Variants in DYRK1A observed in about 807,000 individuals in gnomAD.
DYRK1A encodes the protein dual specificity tyrosine-phosphorylation-regulated kinase 1A.
A neutral mutation model predicts 79.7 loss-of-function variants in DYRK1A; 9 were observed. That is an observed-to-expected ratio of 0.11 (90% CI 0.07 to 0.20). DYRK1A has a LOEUF of 0.20. Ranked by LOEUF, DYRK1A falls within the 10% of genes least tolerant of loss-of-function variation. The pLI, the probability that DYRK1A is intolerant of heterozygous loss-of-function variation, is 1.00. For missense variants in DYRK1A, 622 were observed against 956.0 expected (o/e 0.65, Z 4.61); for synonymous variants, 349 against 329.7 (o/e 1.06, Z -0.63).
intron 1 of DYRK1A, among the ~76,000 whole-genome samples, chr21:37,384,109 G>A (rs1203241908): frequency 6.6e-6 from 1 of 152,118 alleles, no homozygotes; most frequent in Admixed American, 6.5e-5. Context: ...CTCAGTGCAG[G>A]AAGGGGATCC....
intron 4 of DYRK1A, among the ~76,000 whole-genome samples, chr21:37,478,631 CTA>C (rs1220627277): frequency 3.3e-5 from 5 of 151,844 alleles, no homozygotes; most frequent in African/African-American, 1.2e-4. Flanking sequence ...AATAAGGACT[CTA>C]AAAGTATATA....
At chr21:37,414,356 G>A (rs558764948) in intron 1 of DYRK1A, among the ~76,000 whole-genome samples, 50 of 152,106 alleles carry the variant, frequency 3.3e-4, no homozygotes, top group Non-Finnish European at 5.6e-4. Flanking sequence ...ACCATTAGTC[G>A]TGTGTGATTT....
At chr21:37,378,457 G>C (rs1028338520) in intron 1 of DYRK1A, among the ~76,000 whole-genome samples, 1 of 152,202 alleles carries the variant, frequency 6.6e-6, no homozygotes, top group Non-Finnish European at 1.5e-5. Context: ...GCTTGAACCT[G>C]GGAGGCGGAC....
chr21:37,439,256 A>T (rs2051017481), intron 2 of DYRK1A, among the ~76,000 whole-genome samples: 1 of 152,138 alleles, frequency 6.6e-6, no homozygotes, highest in African/African-American at 2.4e-5. Context: ...TCTGCTTTCC[A>T]GTTTGGTTAC....
intron 1 of DYRK1A, among the ~76,000 whole-genome samples, chr21:37,393,420 T>C (rs561306150): frequency 1.4e-3 from 208 of 152,286 alleles, no homozygotes; most frequent in Non-Finnish European, 2.1e-3. Flanking sequence ...TGGGTACATA[T>C]AGGTCTCTGG....
intron 2 of DYRK1A, among the ~76,000 whole-genome samples, chr21:37,471,643 C>T (rs779716725): frequency 6.6e-5 from 10 of 152,196 alleles, no homozygotes; most frequent in Non-Finnish European, 1.5e-4. Context: ...CATGGCCATA[C>T]AGCTGGTCAC....
At chr21:37,480,501 T>C (rs1255806507) in intron 4 of DYRK1A, 137 bp from the exon 5 acceptor site, 4 of 588,270 alleles carry the variant, frequency 6.8e-6, no homozygotes, top group Non-Finnish European at 1.1e-5. Flanking sequence ...GTATAAATTT[T>C]TTCATTGGTT....
Position 37,490,404 on chromosome 21 carries a change from C to G in DYRK1A, c.867C>G (p.Pro289=). The G allele has an allele frequency of 6.2e-7, 1 of 1,613,624 alleles. No individual in the cohort carries two copies. The highest frequency in any genetic ancestry group is 8.5e-7 in the Non-Finnish European group (1 of 1,179,684). ...LKPENILLCN[P]KRSAIKIVDF... ...CTGAAAATATCCTTCTTTGTAACCC[C>G]AAACGCAGTGCAATCAAGATAGTTG... Residue 289 remains proline, a synonymous_variant, in exon 7 of 12, where the codon CCC becomes CCG. Transcript: ENST00000647188.
intron 5 of DYRK1A, 63 bp from the exon 6 acceptor site, chr21:37,486,404 T>C: frequency 3.2e-6 from 4 of 1,249,818 alleles, no homozygotes; most frequent in Non-Finnish European, 4.3e-6. Flanking sequence ...TTAAGGTGAA[T>C]TATAAATTAT....
chr21:37,368,812 T>A (rs1045098581), intron 1 of DYRK1A, among the ~76,000 whole-genome samples: 1 of 152,198 alleles, frequency 6.6e-6, no homozygotes, highest in Non-Finnish European at 1.5e-5. Context: ...TTAGAAATAC[T>A]GGCAAATTTT....
intron 1 of DYRK1A, chr21:37,419,282 G>A (rs1750121877): frequency 6.6e-6 from 1 of 152,194 alleles, no homozygotes; most frequent in Non-Finnish European, 1.5e-5. Flanking sequence ...TAGGGAAAAG[G>A]ATTATTAAGC....
intron 2 of DYRK1A, among the ~76,000 whole-genome samples, chr21:37,462,456 G>C (rs2051873156): frequency 6.6e-6 from 1 of 152,050 alleles, no homozygotes; most frequent in Admixed American, 6.5e-5. Flanking sequence ...AATGTCTGTG[G>C]GTTTCTCCAC....
chr21:37,394,220 T>A (rs1376633711), intron 1 of DYRK1A, among the ~76,000 whole-genome samples: 3 of 133,048 alleles, frequency 2.3e-5, no homozygotes, highest in East Asian at 2.3e-4. Context: ...TCTTTTTTTT[T>A]AAACCCTTTT....
At chr21:37,438,976 T>C (rs1366274604) in intron 2 of DYRK1A, among the ~76,000 whole-genome samples, 3 of 152,186 alleles carry the variant, frequency 2.0e-5, no homozygotes, top group African/African-American at 2.4e-5. Flanking sequence ...GCCCTTTCTC[T>C]CATTTTTCTA....
chr21:37,461,294 A>T (rs1366615088), intron 2 of DYRK1A, among the ~76,000 whole-genome samples: 2 of 152,228 alleles, frequency 1.3e-5, no homozygotes, highest in African/African-American at 4.8e-5. Flanking sequence ...TGGCAAAACC[A>T]CAACTACTTT....
intron 1 of DYRK1A, among the ~76,000 whole-genome samples, chr21:37,380,844 C>T (rs2049642302): frequency 6.6e-6 from 1 of 152,156 alleles, no homozygotes; most frequent in African/African-American, 2.4e-5. Context: ...AGCTGGCTCA[C>T]TGCCTCTTCT....
intron 1 of DYRK1A, chr21:37,420,044 A>C (rs1302869113): frequency 5.3e-6 from 1 of 188,830 alleles, no homozygotes; most frequent in Admixed American, 6.1e-5. Flanking sequence ...AAAATACCTG[A>C]AATTTTCCGT....
rs570417070 is a variant in DYRK1A, at chr21:37,520,048, G to C, written c.*7517G>C. On this transcript the variant is annotated 3_prime_UTR_variant, in exon 12 of 12. Coordinates refer to ENST00000647188, the MANE Select transcript of DYRK1A (RefSeq NM_001347721.2). ...GTGTGAGGGAGTTTTTCGGTAGTTT[G>C]CTTTGCCTTGATAAACTATATGATA... The C allele has an allele frequency of 7.9e-5, 12 of 152,150 alleles. No homozygotes were observed. The highest frequency in any genetic ancestry group is 2.6e-4 in the Admixed American group (4 of 15,276). 9.4% of individuals were successfully genotyped at this position (152,150 alleles called of 1,614,324 possible). A position where few individuals can be genotyped will look rare whatever the true frequency, so the allele number is the denominator to read the frequency against.
chr21:37,464,592 A>C (rs1323962259), intron 2 of DYRK1A, among the ~76,000 whole-genome samples: 5 of 152,260 alleles, frequency 3.3e-5, no homozygotes, highest in Non-Finnish European at 7.3e-5. Flanking sequence ...GTTCATCATT[A>C]AATTATAACA....
Sources: allele counts gnomAD v4.1 joint callset (sites outside exome capture counted in the v4.1 genomes callset), GRCh38; gene constraint gnomAD v4.1.1; transcripts MANE v1.5; gene names NCBI Gene and HGNC (gene_info 2026-07-23, HGNC 2026-07-21).